The following ATP2B3 variants were observed in gnomAD, a reference collection of about 807,000 sequenced individuals.
The protein encoded by ATP2B3 is ATPase plasma membrane Ca2+ transporting 3.
Under a neutral mutation model 70.8 loss-of-function variants are expected in ATP2B3, and 12 were observed. The ratio of observed to expected loss-of-function variants is 0.17; its 90% CI spans 0.11 to 0.27. ATP2B3 has a LOEUF of 0.27. Among genes scored for constraint, ATP2B3 ranks in the 10% least tolerant of loss-of-function variants. The pLI is 1.00. For missense variants in ATP2B3, 858 were observed against 1,118.5 expected, an observed-to-expected ratio of 0.77 and a Z score of 3.32; for synonymous variants, 460 against 497.8, an observed-to-expected ratio of 0.92 and a Z score of 1.01.
At chrX:153,538,551 C>T (rs2090229671) in intron 3 of ATP2B3, among the ~76,000 whole-genome samples, 1 of 113,132 alleles carries the variant, frequency 8.8e-6, no homozygotes, top group African/African-American at 3.2e-5. Context: ...CCCAGTGCCC[C>T]TCTGGGCTCC....
At chrX:153,535,854 T>G (rs1317451715) in intron 2 of ATP2B3, among the ~76,000 whole-genome samples, 1 of 111,845 alleles carries the variant, frequency 8.9e-6, no homozygotes, top group Non-Finnish European at 1.9e-5. Flanking sequence ...CACTGCAGGG[T>G]CCTGGCAGGA....
chrX:153,546,167 G>A, intron 8 of ATP2B3, 38 bp downstream of exon 8: 1 of 1,207,953 alleles, frequency 8.3e-7, no homozygotes, highest in Non-Finnish European at 1.1e-6. Context: ...CAAGCTTGGA[G>A]CCCTGGGGGT....
At chrX:153,546,419 C>T (rs192585845) in intron 8 of ATP2B3, among the ~76,000 whole-genome samples, 100 of 112,781 alleles carry the variant, frequency 8.9e-4, no homozygotes, top group Non-Finnish European at 1.4e-3. Flanking sequence ...GTGGGCGCCC[C>T]GAGTCCACTC....
chrX:153,540,788 G>A (rs1440957354), intron 3 of ATP2B3, among the ~76,000 whole-genome samples: 6 of 112,526 alleles, frequency 5.3e-5, no homozygotes, highest in Non-Finnish European at 1.1e-4. Flanking sequence ...GACAGGCACA[G>A]AGCCCTGGCC....
chrX:153,561,929 G>T (rs1356583791), intron 19 of ATP2B3, among the ~76,000 whole-genome samples: 1 of 112,638 alleles, frequency 8.9e-6, no homozygotes, highest in Non-Finnish European at 1.9e-5. Context: ...CTCCGAGGCT[G>T]GAGTCAGTAG....
chrX:153,519,612 C>T (rs967352603), intron 2 of ATP2B3, among the ~76,000 whole-genome samples: 5 of 112,759 alleles, frequency 4.4e-5, no homozygotes, highest in African/African-American at 1.3e-4. Flanking sequence ...AGGGTGAGGT[C>T]AGCCCCTCAA....
At chrX:153,539,973 A>G (rs1224858253) in intron 3 of ATP2B3, among the ~76,000 whole-genome samples, 1 of 112,902 alleles carries the variant, frequency 8.9e-6, no homozygotes, top group Non-Finnish European at 1.9e-5. Flanking sequence ...GGCAAAGCCA[A>G]TTTGGGGGCT....
At chrX:153,525,252 C>T (rs1345155972) in intron 2 of ATP2B3, among the ~76,000 whole-genome samples, 3 of 112,449 alleles carry the variant, frequency 2.7e-5, no homozygotes, top group Admixed American at 1.9e-4. Context: ...CCCTGCACTC[C>T]GGCGTTTCAA....
chrX:153,553,354 C>T, intron 13 of ATP2B3, 85 bp downstream of exon 13: 2 of 833,968 alleles, frequency 2.4e-6, no homozygotes, highest in Non-Finnish European at 3.4e-6. Flanking sequence ...GGCCTTCCTT[C>T]ACACACAGCT....
Position 153,560,758 on chromosome X carries a change from C to T in ATP2B3, c.2922C>T (p.Asn974=). The change falls in exon 19 of 22, where the codon AAC becomes AAT. Residue 974 remains asparagine (N), a synonymous_variant. Transcript: ENST00000263519. ...CAGAGCACTACACCATCATCTTCAA[C>T]ACGTTCGTCATGATGCAGCTCTTTA... ...PPSEHYTIIF[N]TFVMMQLFNE... is the part of the protein sequence containing the mutation. 8.3e-7 allele frequency: 1 copy of T among 1,210,691 alleles called. No homozygotes were observed. The highest frequency in any genetic ancestry group is 1.8e-5 in the South Asian group (1 of 56,843).
intron 12 of ATP2B3, among the ~76,000 whole-genome samples, chrX:153,551,855 T>C (rs1226229132): frequency 8.9e-6 from 1 of 112,399 alleles, no homozygotes; most frequent in African/African-American, 3.2e-5. Flanking sequence ...CCCTTGGCCT[T>C]GGCGTCTCTG....
intron 13 of ATP2B3, among the ~76,000 whole-genome samples, chrX:153,554,726 G>A (rs2090509270): frequency 8.9e-6 from 1 of 112,983 alleles, no homozygotes; most frequent in Admixed American, 9.3e-5. Context: ...GAAGCCTGTG[G>A]CTGGGGTGGT....
chrX:153,524,563 G>T (rs1050210551), intron 2 of ATP2B3, among the ~76,000 whole-genome samples: 1 of 111,903 alleles, frequency 8.9e-6, no homozygotes, highest in African/African-American at 3.3e-5. Context: ...GGGATAGTTT[G>T]AGGTGAGGAT....
chrX:153,559,400 T>G (rs1442590100), intron 17 of ATP2B3: 4 of 269,333 alleles, frequency 1.5e-5, no homozygotes, highest in Non-Finnish European at 2.6e-5. Context: ...GCCCCTGAGG[T>G]GCAGGAGACA....
At position 153,580,160 on chromosome X, in the gene ATP2B3, G is replaced by GCCCCCCCCCCCCCA; in HGVS notation, c.3530_3531insCCCCCCCCACCCCC (p.Ser1178ProfsTer14). The GCCCCCCCCCCCCCA allele has an allele frequency of 9.5e-7, 1 of 1,056,227 alleles. No individual in the cohort carries two copies. Among genetic ancestry groups the GCCCCCCCCCCCCCA allele is most frequent in the Non-Finnish European group, 1.2e-6 (1 of 812,027 alleles). The allele number at this position is 1,056,227 out of a possible 1,213,427, so 87.0% of individuals were successfully genotyped here. ...ACGAGGAGCGCCTCCGGGCCCCCCC[G>GCCCCCCCCCCCCCA]CCCCCGTCCCCCAACCAGAACAACA... On this transcript the variant is annotated frameshift_variant, in exon 22 of 22. Transcript: ENST00000263519. LOFTEE classifies it high-confidence loss of function.
chrX:153,568,952 G>A (rs1271981463), intron 21 of ATP2B3, among the ~76,000 whole-genome samples: 1 of 112,971 alleles, frequency 8.9e-6, no homozygotes, highest in African/African-American at 3.2e-5. Flanking sequence ...CAAAGACACT[G>A]GGTCAAGGCC....
At chrX:153,569,194 G>A (rs1394969019) in intron 21 of ATP2B3, 7 of 398,343 alleles carry the variant, frequency 1.8e-5, no homozygotes, top group Admixed American at 1.5e-4. Context: ...TAAGTCCTCC[G>A]GGTTTAGAGG....
At chrX:153,530,330 T>A in intron 2 of ATP2B3, among the ~76,000 whole-genome samples, 1 of 112,321 alleles carries the variant, frequency 8.9e-6, no homozygotes, top group Non-Finnish European at 1.9e-5. Flanking sequence ...TTCGTGAAGT[T>A]CCCTGAGTGG....
intron 21 of ATP2B3, among the ~76,000 whole-genome samples, chrX:153,571,197 G>A (rs2090784623): frequency 8.9e-6 from 1 of 112,191 alleles, no homozygotes; most frequent in Non-Finnish European, 1.9e-5. Flanking sequence ...AAGGGGCCTC[G>A]CCGCCACTCC....
Sources: gnomAD v4.1 joint callset for allele counts (sites outside exome capture counted in the v4.1 genomes callset) on GRCh38, gnomAD v4.1.1 for gene constraint, MANE v1.5 for transcripts, NCBI Gene and HGNC (gene_info 2026-07-23, HGNC 2026-07-21) for gene names.